The following RCC1 variants were observed in gnomAD, a reference collection of about 807,000 sequenced individuals.
The protein encoded by RCC1 is regulator of chromosome condensation.
In RCC1, 11 loss-of-function variants were observed where a neutral mutation model predicts 44.4. That is an observed-to-expected ratio of 0.25 (90% confidence interval 0.16 to 0.41). The LOEUF (loss-of-function observed/expected upper bound fraction) is 0.41. Ranked by LOEUF, RCC1 falls within the 10% of genes least tolerant of loss-of-function variation. The pLI is 1.00. For synonymous variants in RCC1, 213 were observed against 216.5 expected, an observed-to-expected ratio of 0.98 and a Z score of 0.14; for missense variants, 386 against 547.1, an observed-to-expected ratio of 0.71 and a Z score of 2.94.
At position 28,537,837 on chromosome 1, in the gene RCC1, G is replaced by A. The variant is rs1570230654; in HGVS notation, c.1096G>A (p.Val366Ile). 6.2e-7 allele frequency: 1 copy of A among 1,612,000 alleles called. No individual in the cohort carries two copies. Among genetic ancestry groups the A allele is most frequent in the East Asian group, 2.2e-5 (1 of 44,856 alleles). Residue 366 changes from valine to isoleucine, a missense_variant, in exon 13 of 13, where the codon GTT (valine) becomes ATT (isoleucine). Val to Ile is a conservative substitution (Grantham distance 29, BLOSUM62 3). Coordinates refer to ENST00000683442, the MANE Select transcript of RCC1 (RefSeq NM_001381865.2). ...CCCATTTCTCTCTCTTGCAGGTCGT[G>A]TTTTCGCCTGGGGCATGGGCACCAA... The part of the protein sequence containing the change: ...VGYAVTKDGR[V>I]FAWGMGTNYQ...
At chr1:28,517,121 CAA>C (rs796542591) in intron 4 of RCC1, among the ~76,000 whole-genome samples, 4 of 136,092 alleles carry the variant, frequency 2.9e-5, no homozygotes, top group Non-Finnish European at 3.2e-5. Flanking sequence ...GACTCGATCT[CAA>C]AAAAAAAAAA....
chr1:28,530,529 G>C, intron 5 of RCC1: 1 of 1,603,414 alleles, frequency 6.2e-7, no homozygotes, highest in Non-Finnish European at 8.5e-7. Context: ...GCAGACACGA[G>C]GGCCGCTGCC....
chr1:28,515,062 A>G (rs1662808393), intron 3 of RCC1, among the ~76,000 whole-genome samples: 1 of 152,128 alleles, frequency 6.6e-6, no homozygotes, highest in Non-Finnish European at 1.5e-5. Flanking sequence ...CTGACTGCTG[A>G]GGCTCAGAAG....
Position 28,538,156 on chromosome 1 carries a change from T to C in RCC1, c.*149T>C, listed in dbSNP as rs1049311046. On this transcript the variant is annotated 3_prime_UTR_variant, in exon 13 of 13. Coordinates refer to ENST00000683442, the MANE Select transcript of RCC1 (RefSeq NM_001381865.2). ...TTCTCATCAGCAGAACAGAATCCTT[T>C]TCCTCTTTTCCTTCCTCCTCTTTGG... 4.7e-5 allele frequency: 29 copies of C among 621,742 alleles called. No individual in the cohort carries two copies. In the African/African-American group the frequency reaches 4.9e-4, roughly 10 times the overall value. 38.5% of individuals were successfully genotyped at this position (621,742 alleles called of 1,614,324 possible). A position where few individuals can be genotyped will look rare whatever the true frequency, so the allele number is the denominator to read the frequency against.
chr1:28,535,125 C>G lies in RCC1; in HGVS notation c.517C>G (p.Pro173Ala), dbSNP rs1231282860. ...GCCTGTGCAGGTGCAGCTGGATGTG[C>G]CTGTGGTAAAGGTGGCCTCAGGTGG... ...MVPVQVQLDV[P>A]VVKVASGNDH... is the part of the protein sequence containing the mutation. Residue 173 changes from proline to alanine, a missense_variant, in exon 8 of 13, where the codon CCT (proline) becomes GCT (alanine). Pro to Ala is a conservative substitution (Grantham distance 27). Coordinates refer to ENST00000683442, the MANE Select transcript of RCC1 (RefSeq NM_001381865.2). 6.2e-7 allele frequency: 1 copy of G among 1,614,150 alleles called. No homozygotes were observed. Among genetic ancestry groups the G allele is most frequent in the Admixed American group, 1.7e-5 (1 of 60,024 alleles).
intron 8 of RCC1, 37 bp from the exon 9 acceptor site, chr1:28,535,221 C>A (rs1010262467): frequency 6.2e-7 from 1 of 1,614,160 alleles, no homozygotes; most frequent in African/African-American, 1.3e-5. Context: ...TTGGGCCTTA[C>A]AGTTGTGGCC....
chr1:28,529,758 A>C, intron 4 of RCC1, 100 bp from the exon 5 acceptor site: 1 of 885,114 alleles, frequency 1.1e-6, no homozygotes, highest in Non-Finnish European at 1.8e-6. Flanking sequence ...TTGTTGGGCA[A>C]TTCCTCTTAA....
chr1:28,508,336 G>A, intron 2 of RCC1, 176 bp downstream of exon 2: 1 of 352,308 alleles, frequency 2.8e-6, no homozygotes, highest in South Asian at 2.1e-5. Context: ...TAGGCATGTT[G>A]ACATAACTTC....
In RCC1 at chr1:28,537,623, T is replaced by C. The variant is rs1664633298; in HGVS notation, c.1091-209T>C. Among the ~76,000 whole-genome samples the C allele has an allele frequency of 2.6e-5, 4 of 152,306 alleles. No individual in the cohort carries two copies. The South Asian group carries it at 8.3e-4, about 32-fold the overall frequency. On this transcript the variant is annotated intron_variant, in intron 12 of 12. Transcript: ENST00000683442. Reference sequence around the variant, plus strand: ...CCTAGGAGCAGCCTTTGGCAGTGTGTAGGGACTGTGCTCTCTGGTTTACAG... The same window carrying C: ...CCTAGGAGCAGCCTTTGGCAGTGTGCAGGGACTGTGCTCTCTGGTTTACAG...
intron 5 of RCC1, chr1:28,530,763 C>G: frequency 3.4e-6 from 2 of 593,858 alleles, no homozygotes; most frequent in Non-Finnish European, 5.8e-6. Flanking sequence ...CCCGGGCGCG[C>G]ACCTCCCGCA....
chr1:28,515,682 A>G (rs1662855771), intron 3 of RCC1, among the ~76,000 whole-genome samples: 1 of 152,092 alleles, frequency 6.6e-6, no homozygotes, highest in South Asian at 2.1e-4. Flanking sequence ...GCACCACTGC[A>G]CTCCAGCCTG....
In RCC1 at chr1:28,512,714, A is replaced by G. The variant is rs568263224; in HGVS notation, c.-153+3809A>G. On this transcript the variant is annotated intron_variant, in intron 3 of 12. Coordinates refer to ENST00000683442, the MANE Select transcript of RCC1 (RefSeq NM_001381865.2). ...TTTTCATTTTAATTCATTTCAAAAT[A>G]TTTTTGAGTTCCTTTTCTATTCTTT... 3.9e-5 allele frequency among the ~76,000 whole-genome samples: 6 copies of G among 152,246 alleles called. No individual in the cohort carries two copies. In the East Asian group the frequency reaches 1.2e-3, roughly 29 times the overall value.
intron 6 of RCC1, 87 bp downstream of exon 6, chr1:28,532,077 T>A: frequency 1.3e-6 from 2 of 1,564,202 alleles, no homozygotes; most frequent in Non-Finnish European, 1.7e-6. Flanking sequence ...ATGTTCACTG[T>A]GGAAATGGAG....
intron 1 of RCC1, 59 bp downstream of exon 1, chr1:28,506,143 T>C (rs1661898767): frequency 2.2e-6 from 1 of 453,868 alleles, no homozygotes; most frequent in Non-Finnish European, 4.4e-6. Flanking sequence ...GTGGGTCTAA[T>C]GCTATAGATC....
At chr1:28,537,576 G>T (rs1664630977) in intron 12 of RCC1, among the ~76,000 whole-genome samples, 1 of 152,198 alleles carries the variant, frequency 6.6e-6, no homozygotes, top group South Asian at 2.1e-4. Flanking sequence ...ACAGAGGGTG[G>T]GGTAGGACCT....
At chr1:28,507,973 C>G (rs1381982593) in intron 1 of RCC1, 155 bp from the exon 2 acceptor site, 1 of 294,130 alleles carries the variant, frequency 3.4e-6, no homozygotes, top group African/African-American at 2.2e-5. Flanking sequence ...TGATAGGTAG[C>G]TGGAGGAAGG....
chr1:28,531,523 C>A (rs889189530), intron 5 of RCC1, among the ~76,000 whole-genome samples: 1 of 151,936 alleles, frequency 6.6e-6, no homozygotes, highest in African/African-American at 2.4e-5. Flanking sequence ...CCCTTCTTGC[C>A]CTCTCCACCA....
At chr1:28,516,670 G>A in intron 3 of RCC1, 55 bp from the exon 4 acceptor site, 2 of 309,012 alleles carry the variant, frequency 6.5e-6, no homozygotes, top group South Asian at 5.4e-5. Flanking sequence ...ACAAAATAAA[G>A]GGTCTTACAA....
At chr1:28,526,319 G>C in intron 4 of RCC1, 1 of 290,774 alleles carries the variant, frequency 3.4e-6, no homozygotes, top group Non-Finnish European at 6.8e-6. Context: ...ACAAAAACAA[G>C]TACTTGATGA....
Sources: allele counts gnomAD v4.1 joint callset (sites outside exome capture counted in the v4.1 genomes callset), GRCh38; gene constraint gnomAD v4.1.1; transcripts MANE v1.5; gene names NCBI Gene and HGNC (gene_info 2026-07-23, HGNC 2026-07-21).